The following THSD7A variants were observed in gnomAD, a reference collection of about 807,000 sequenced individuals.
The protein encoded by THSD7A is thrombospondin type-1 domain-containing protein 7A.
A neutral mutation model predicts 231.3 loss-of-function variants in THSD7A; 96 were observed. The observed-to-expected ratio is 0.41, with a 90% CI of 0.35 to 0.49. The LOEUF (loss-of-function observed/expected upper bound fraction) is 0.49. Ranked by LOEUF, THSD7A falls within the 20% of genes least tolerant of loss-of-function variation. The pLI, the probability that THSD7A is intolerant of heterozygous loss-of-function variation, is 0.05. For synonymous variants in THSD7A, 940 were observed against 743.3 expected (o/e 1.26, Z -4.30); for missense variants, 2,290 against 2,070.2 (o/e 1.11, Z -2.06).
chr7:11,420,604 G>A (rs1784111241), intron 16 of THSD7A, among the ~76,000 whole-genome samples: 2 of 152,218 alleles, frequency 1.3e-5, no homozygotes, highest in South Asian at 4.1e-4. Context: ...AGAAATGTGG[G>A]GTTGGGCCCC....
intron 1 of THSD7A, among the ~76,000 whole-genome samples, chr7:11,764,714 G>A (rs1208985645): frequency 6.6e-6 from 1 of 151,940 alleles, no homozygotes; most frequent in Non-Finnish European, 1.5e-5. Context: ...ATTATGGAAT[G>A]AGCCAATTTA....
chr7:11,469,766 C>G, intron 9 of THSD7A, 113 bp downstream of exon 9: 1 of 626,512 alleles, frequency 1.6e-6, no homozygotes, highest in Non-Finnish European at 2.8e-6. Context: ...CATGTCAAAT[C>G]AGGTTTACAT....
intron 19 of THSD7A, among the ~76,000 whole-genome samples, chr7:11,407,858 G>T (rs1783639196): frequency 6.6e-6 from 1 of 152,170 alleles, no homozygotes; most frequent in East Asian, 1.9e-4. Flanking sequence ...AAAGCAAAAG[G>T]AAAAGGTTCT....
intron 2 of THSD7A, among the ~76,000 whole-genome samples, chr7:11,631,786 G>C (rs1781663869): frequency 6.6e-6 from 1 of 152,168 alleles, no homozygotes; most frequent in African/African-American, 2.4e-5. Flanking sequence ...CTTATTTTCA[G>C]TTTGGTGACT....
At chr7:11,605,129 T>C (rs894968307) in intron 2 of THSD7A, among the ~76,000 whole-genome samples, 4 of 152,106 alleles carry the variant, frequency 2.6e-5, no homozygotes, top group Non-Finnish European at 5.9e-5. Flanking sequence ...ATGCTTTACT[T>C]AGAATTGACA....
At chr7:11,763,392 T>A (rs1294127839) in intron 1 of THSD7A, among the ~76,000 whole-genome samples, 2 of 152,220 alleles carry the variant, frequency 1.3e-5, no homozygotes, top group Non-Finnish European at 2.9e-5. Flanking sequence ...TTAGATGCTC[T>A]CTTCATTGTG....
Position 11,474,174 on chromosome 7 carries a change from T to C in THSD7A, c.2252+160A>G, listed in dbSNP as rs956793033. 2.0e-5 allele frequency among the ~76,000 whole-genome samples: 3 copies of C among 152,202 alleles called. No individual in the cohort carries two copies. The highest frequency in any genetic ancestry group is 7.2e-5 in the African/African-American group (3 of 41,456). On this transcript the variant is annotated intron_variant, in intron 8 of 27. Coordinates refer to ENST00000423059, the MANE Select transcript of THSD7A (RefSeq NM_015204.3). This position sits in a 1 kb window ranked among gnomAD's most constrained non-coding sequence, Gnocchi z 4.1. ...CCCAGTATAAAACTCAAAGCTGTTA[T>C]AGCTTTATCAGTGGCTGACTTTCAA... is the stretch of plus-strand genomic sequence containing the variant.
intron 13 of THSD7A, among the ~76,000 whole-genome samples, chr7:11,437,990 T>G (rs1784686562): frequency 6.6e-6 from 1 of 151,108 alleles, no homozygotes; most frequent in Non-Finnish European, 1.5e-5. Context: ...TTTTTAAAGT[T>G]CATCCACGAT....
At chr7:11,416,922 T>C (rs537470114) in intron 17 of THSD7A, among the ~76,000 whole-genome samples, 2 of 152,298 alleles carry the variant, frequency 1.3e-5, no homozygotes, top group Admixed American at 6.5e-5. Context: ...TAAAGAGAGA[T>C]TCATTGGTGC....
At chr7:11,448,167 T>C (rs1330273377) in intron 11 of THSD7A, among the ~76,000 whole-genome samples, 3 of 152,124 alleles carry the variant, frequency 2.0e-5, no homozygotes, top group Admixed American at 6.6e-5. Flanking sequence ...AAATTACATA[T>C]AAATTTAAAA....
intron 23 of THSD7A, chr7:11,385,103 G>T (rs1782676372): frequency 1.4e-5 from 2 of 144,220 alleles, no homozygotes; most frequent in African/African-American, 2.7e-5. Context: ...TTTTATAACA[G>T]TTTTGCTGGT....
At chr7:11,762,806 T>A (rs1042770992) in intron 1 of THSD7A, among the ~76,000 whole-genome samples, 1 of 151,240 alleles carries the variant, frequency 6.6e-6, no homozygotes, top group Admixed American at 6.6e-5. Context: ...AAATTATAGA[T>A]GACACAAACA....
At chr7:11,726,987 C>T (rs1461154069) in intron 1 of THSD7A, among the ~76,000 whole-genome samples, 1 of 151,930 alleles carries the variant, frequency 6.6e-6, no homozygotes, top group East Asian at 2.0e-4. Context: ...ACAAGAGCGA[C>T]GTGATACATG....
chr7:11,395,097 G>A lies in THSD7A; in HGVS notation c.4411+6698C>T, dbSNP rs182776768. On this transcript the variant is annotated intron_variant, in intron 23 of 27. Transcript: ENST00000423059. ...CATCTCACGTGCAAAGACACACATA[G>A]GCTTAAAATAAAGGGATGGAGGAAT... Among the ~76,000 whole-genome samples, 376 of 151,816 alleles carry A rather than the reference G, an allele frequency of 2.5e-3. 1 individual carries two copies. The highest frequency in any genetic ancestry group is 4.0e-3 in the Non-Finnish European group (270 of 67,972).
intron 1 of THSD7A, among the ~76,000 whole-genome samples, chr7:11,690,414 G>C (rs569479789): frequency 6.6e-6 from 1 of 151,844 alleles, no homozygotes; most frequent in African/African-American, 2.4e-5. Flanking sequence ...TTTTTCTCAA[G>C]CTCTATTTCC....
intron 6 of THSD7A, among the ~76,000 whole-genome samples, chr7:11,498,633 G>C (rs62438219): frequency 0.071 from 10,755 of 152,146 alleles, 395 homozygotes; most frequent in South Asian, 0.13. Flanking sequence ...AACATGCCCA[G>C]ACTGCTTTTT....
rs115951624 is a variant in THSD7A at position 11,784,852 on chromosome 7, C to T, written c.190+46905G>A. 7.3e-4 allele frequency among the ~76,000 whole-genome samples: 111 copies of T among 152,032 alleles called. 1 individual carries two copies. Among genetic ancestry groups the T allele is most frequent in the South Asian group, 1.9e-3 (9 of 4,802 alleles). On this transcript the variant is annotated intron_variant, in intron 1 of 27. Transcript: ENST00000423059. ...AAGACTATCAAAATGCCATAAATTC[C>T]GGGTGTGTGTTTTGTGTTTGCTTTT...
intron 23 of THSD7A, among the ~76,000 whole-genome samples, chr7:11,386,416 G>C (rs1782746339): frequency 6.6e-6 from 1 of 152,134 alleles, no homozygotes; most frequent in Non-Finnish European, 1.5e-5. Flanking sequence ...ATTCTAACTG[G>C]TGTGAGATGG....
At chr7:11,526,356 C>T (rs1269918610) in intron 6 of THSD7A, among the ~76,000 whole-genome samples, 1 of 152,118 alleles carries the variant, frequency 6.6e-6, no homozygotes, top group African/African-American at 2.4e-5. Flanking sequence ...TAACATGAGT[C>T]ATCTCCTTTT....
Sources: allele counts gnomAD v4.1 joint callset (sites outside exome capture counted in the v4.1 genomes callset), GRCh38; gene constraint gnomAD v4.1.1; non-coding constraint Gnocchi (gnomAD v3.1); transcripts MANE v1.5; gene names NCBI Gene and HGNC (gene_info 2026-07-23, HGNC 2026-07-21).